Variants in KIAA0586 observed in about 807,000 individuals in gnomAD.
The protein encoded by KIAA0586 is KIAA0586, also known as protein TALPID3.
KIAA0586 carries 144 observed loss-of-function variants against 169.8 expected under a neutral mutation model. The observed-to-expected ratio is 0.85, with a 90% CI of 0.74 to 0.97. The LOEUF (loss-of-function observed/expected upper bound fraction) is 0.97, where lower values mean the gene tolerates loss of function less well. KIAA0586 is among the 50% of genes least tolerant of loss of function. The pLI is 0.00. For synonymous variants in KIAA0586, 625 were observed against 612.4 expected (o/e 1.02, Z -0.30); for missense variants, 1,854 against 1,823.0 (o/e 1.02, Z -0.31).
intron 6 of KIAA0586, among the ~76,000 whole-genome samples, chr14:58,447,639 C>T (rs1053304835): frequency 1.3e-5 from 2 of 151,964 alleles, no homozygotes; most frequent in African/African-American, 4.8e-5. Flanking sequence ...CACCACCACA[C>T]CCAGCTAATT....
intron 4 of KIAA0586, chr14:58,433,199 T>A (rs2037525665): frequency 6.6e-6 from 1 of 152,360 alleles, no homozygotes; most frequent in South Asian, 2.1e-4. Context: ...CCTGAGTAGC[T>A]GGGATTACAG....
chr14:58,534,773 A>AT, intron 29 of KIAA0586, among the ~76,000 whole-genome samples: 1 of 152,234 alleles, frequency 6.6e-6, no homozygotes, highest in Non-Finnish European at 1.5e-5. Context: ...ATTTGGCTTA[A>AT]TTTTATCATT....
At chr14:58,498,026 T>C (rs1002414576) in intron 26 of KIAA0586, among the ~76,000 whole-genome samples, 2 of 151,974 alleles carry the variant, frequency 1.3e-5, no homozygotes, top group South Asian at 4.2e-4. Flanking sequence ...TACAGGTGCC[T>C]GCCACCATGC....
chr14:58,558,249 T>C, the KIAA0586 span, among the ~76,000 whole-genome samples: 1 of 152,110 alleles, frequency 6.6e-6, no homozygotes, highest in African/African-American at 2.4e-5. Flanking sequence ...GGAGCTTAGA[T>C]AAAATGAAAT....
At chr14:58,445,265 G>A (rs932949046) in intron 6 of KIAA0586, among the ~76,000 whole-genome samples, 1 of 152,004 alleles carries the variant, frequency 6.6e-6, no homozygotes, top group African/African-American at 2.4e-5. Flanking sequence ...CACACCGTTG[G>A]ATAAGAACTA....
chr14:58,484,914 A>T (rs12434071), intron 21 of KIAA0586, among the ~76,000 whole-genome samples: 22 of 14,588 alleles, frequency 1.5e-3, no homozygotes, highest in Admixed American at 3.7e-3. Flanking sequence ...ATATATATAT[A>T]TATATATATA....
chr14:58,429,468 A>G (rs2140391899), intron 2 of KIAA0586, 35 bp downstream of exon 2: 1 of 1,182,108 alleles, frequency 8.5e-7, no homozygotes, highest in Non-Finnish European at 1.3e-6. Flanking sequence ...GCTCACGTTA[A>G]AATTTTCAGT....
chr14:58,451,306 G>C (rs2039366555), intron 8 of KIAA0586, among the ~76,000 whole-genome samples: 1 of 151,990 alleles, frequency 6.6e-6, no homozygotes, highest in African/African-American at 2.4e-5. Context: ...GCTCACTGCA[G>C]CCTTTACCTC....
downstream of KIAA0586, among the ~76,000 whole-genome samples, chr14:58,552,824 A>C (rs146424788): frequency 1.1e-4 from 16 of 152,334 alleles, no homozygotes; most frequent in East Asian, 2.5e-3. Flanking sequence ...TAATTAATAT[A>C]TATGTAAAGA....
At chr14:58,477,510 T>C (rs925761634) in intron 20 of KIAA0586, among the ~76,000 whole-genome samples, 7 of 152,314 alleles carry the variant, frequency 4.6e-5, no homozygotes, top group Admixed American at 2.6e-4. Context: ...ATTTTTGTTA[T>C]AGTAATTATC....
intron 29 of KIAA0586, among the ~76,000 whole-genome samples, chr14:58,533,152 A>G (rs74056189): frequency 0.021 from 3,205 of 152,286 alleles, 119 homozygotes; most frequent in African/African-American, 0.07. Context: ...GTGTCATTCT[A>G]CCTACATTAC....
chr14:58,510,798 G>A (rs2044332685), intron 28 of KIAA0586, among the ~76,000 whole-genome samples: 1 of 150,244 alleles, frequency 6.7e-6, no homozygotes, highest in Non-Finnish European at 1.5e-5. Flanking sequence ...CAAAAGGCAT[G>A]AACTATGAAT....
At chr14:58,510,287 T>G (rs2044294682) in intron 28 of KIAA0586, among the ~76,000 whole-genome samples, 1 of 152,188 alleles carries the variant, frequency 6.6e-6, no homozygotes, top group Non-Finnish European at 1.5e-5. Context: ...GAGAATCACT[T>G]GAACCCAGAA....
rs557684991 is a variant in KIAA0586 at position 58,429,457 on chromosome 14, T to C, written c.270+24T>C. On this transcript the variant is annotated intron_variant, in intron 2 of 30. Transcript: ENST00000652326. Reference sequence around the variant, plus strand: ...GTGTAAGCAAAAGGATTCTTAATTATGCTCACGTTAAAATTTTCAGTATTG... The same window carrying C: ...GTGTAAGCAAAAGGATTCTTAATTACGCTCACGTTAAAATTTTCAGTATTG... 1.7e-5 allele frequency: 23 copies of C among 1,343,710 alleles called. No individual in the cohort carries two copies. In the African/African-American group the frequency reaches 3.2e-4, roughly 19 times the overall value. 83.2% of individuals were successfully genotyped at this position (1,343,710 alleles called of 1,614,324 possible). A position where few individuals can be genotyped will look rare whatever the true frequency, so the allele number is the denominator to read the frequency against.
chr14:58,557,477 C>T, the KIAA0586 span, among the ~76,000 whole-genome samples: 1 of 152,330 alleles, frequency 6.6e-6, no homozygotes, highest in Admixed American at 6.5e-5. Flanking sequence ...GCTGGTGCAG[C>T]AGTAAGCGCT....
intron 29 of KIAA0586, among the ~76,000 whole-genome samples, chr14:58,531,859 A>C (rs2045989439): frequency 6.6e-6 from 1 of 152,216 alleles, no homozygotes; most frequent in Non-Finnish European, 1.5e-5. Context: ...AGCCATGTGT[A>C]TTATGACTAG....
At chr14:58,517,967 C>T (rs189372245) in intron 29 of KIAA0586, among the ~76,000 whole-genome samples, 2 of 152,194 alleles carry the variant, frequency 1.3e-5, no homozygotes, top group East Asian at 3.9e-4. Context: ...CAGTGGTTGC[C>T]TTGAAGAAGA....
At chr14:58,447,499 G>C (rs2038997892) in intron 6 of KIAA0586, among the ~76,000 whole-genome samples, 1 of 98,310 alleles carries the variant, frequency 1.0e-5, no homozygotes, top group Non-Finnish European at 2.2e-5. Flanking sequence ...TTTTGTTTTT[G>C]AGATAGAGTC....
At chr14:58,519,517 G>A (rs1228035219) in intron 29 of KIAA0586, among the ~76,000 whole-genome samples, 1 of 152,158 alleles carries the variant, frequency 6.6e-6, no homozygotes, top group Non-Finnish European at 1.5e-5. Context: ...AGCCCAGATC[G>A]ACTTGATTGC....
Sources: allele counts gnomAD v4.1 joint callset (sites outside exome capture counted in the v4.1 genomes callset), GRCh38; gene constraint gnomAD v4.1.1; transcripts MANE v1.5; gene names NCBI Gene and HGNC (gene_info 2026-07-23, HGNC 2026-07-21).